GOT1: variants seen among roughly 807,000 people sequenced by gnomAD.
GOT1 encodes glutamic-oxaloacetic transaminase 1, also known as aspartate aminotransferase, cytoplasmic.
Under a neutral mutation model 48.2 loss-of-function variants are expected in GOT1, and 25 were observed. The ratio of observed to expected loss-of-function variants is 0.52; its 90% CI spans 0.38 to 0.72. The LOEUF (loss-of-function observed/expected upper bound fraction) is 0.72. Ranked by LOEUF, GOT1 falls within the 30% of genes least tolerant of loss-of-function variation. GOT1 has a pLI of 0.00. For missense variants in GOT1, 380 were observed against 520.1 expected (o/e 0.73, Z 2.62); for synonymous variants, 188 against 193.8 (o/e 0.97, Z 0.25).
chr10:99,406,167 C>T lies in GOT1; in HGVS notation c.507G>A (p.Leu169=), dbSNP rs544088538. The T allele has an allele frequency of 4.6e-5, 74 of 1,612,804 alleles. 2 individuals are homozygous for T. The South Asian group carries it at 7.4e-4, about 16-fold the overall frequency. The change falls in exon 4 of 9, where the codon TTG becomes TTA. Residue 169 remains leucine (L), a synonymous_variant. Coordinates refer to ENST00000370508, the MANE Select transcript of GOT1 (RefSeq NM_002079.3). Reference sequence around the variant, plus strand: ...GATCATTCAGGAAGCCCTGGAGGTCCAATCCTCTCTTCTCTGCATCCCAGT... The same window carrying T: ...GATCATTCAGGAAGCCCTGGAGGTCTAATCCTCTCTTCTCTGCATCCCAGT... The part of the protein sequence containing the change: ...YRYWDAEKRG[L]DLQGFLNDLE...
intron 2 of GOT1, among the ~76,000 whole-genome samples, chr10:99,413,769 G>C (rs1020542550): frequency 1.3e-5 from 2 of 152,202 alleles, no homozygotes; most frequent in Non-Finnish European, 2.9e-5. Context: ...AGCCAGAAGA[G>C]AGTGGGGGCC....
intron 2 of GOT1, among the ~76,000 whole-genome samples, chr10:99,412,445 A>T (rs1201664883): frequency 1.3e-5 from 2 of 151,782 alleles, no homozygotes; most frequent in Non-Finnish European, 2.9e-5. Context: ...GACTAGAGGC[A>T]GGAAGGTAAA....
intron 1 of GOT1, 129 bp downstream of exon 1, chr10:99,430,319 C>T: frequency 6.2e-7 from 1 of 1,600,004 alleles, no homozygotes; most frequent in Non-Finnish European, 8.5e-7. Context: ...TGGATCCAGC[C>T]TCCTCTCCGG....
chr10:99,408,427 G>A (rs2032789050), intron 2 of GOT1, among the ~76,000 whole-genome samples: 2 of 152,130 alleles, frequency 1.3e-5, no homozygotes, highest in Non-Finnish European at 2.9e-5. Flanking sequence ...ACATGAAAAA[G>A]TCTATCTAGC....
At chr10:99,399,947 G>A (rs17111658) in intron 8 of GOT1, among the ~76,000 whole-genome samples, 15,739 of 152,180 alleles carry the variant, frequency 0.1, 1,010 homozygotes, top group Admixed American at 0.21. Flanking sequence ...GTCACCCAAG[G>A]GGATAGAGCC....
At position 99,397,061 on chromosome 10, in the gene GOT1, A is replaced by G. The variant is rs1378928497; in HGVS notation, c.*486T>C. ...TACCACAGTCACCCTAAAGAACCAAAGCTTAGGACTAGGGACACAACCATG... is the reference window on the plus strand; with the variant it reads ...TACCACAGTCACCCTAAAGAACCAAGGCTTAGGACTAGGGACACAACCATG... On this transcript the variant is annotated 3_prime_UTR_variant, in exon 9 of 9. Coordinates refer to ENST00000370508, the MANE Select transcript of GOT1 (RefSeq NM_002079.3). The surrounding 1 kb of genome is among the most constrained non-coding windows in gnomAD (Gnocchi z 5.4). The G allele has an allele frequency of 6.4e-6, 1 of 157,046 alleles. No individual in the cohort carries two copies. Among genetic ancestry groups the G allele is most frequent in the African/African-American group, 2.4e-5 (1 of 41,486 alleles). The allele number at this position is 157,046 out of a possible 1,614,324, so 9.7% of individuals were successfully genotyped here. A position where few individuals can be genotyped will look rare whatever the true frequency, so the allele number is the denominator to read the frequency against.
At chr10:99,399,609 A>G (rs1358949238) in intron 8 of GOT1, among the ~76,000 whole-genome samples, 1 of 150,746 alleles carries the variant, frequency 6.6e-6, no homozygotes, top group Non-Finnish European at 1.5e-5. Flanking sequence ...TGTCTCTACA[A>G]AAAAATCTTA....
chr10:99,400,146 G>A lies in GOT1; in HGVS notation c.1102+2434C>T, dbSNP rs551957197. On this transcript the variant is annotated intron_variant, in intron 8 of 8. Transcript: ENST00000370508. Reference sequence around the variant, plus strand: ...GTTATGGACTCTTTCCCTAGAGCAGGGCCAAAATACACATATACAATTTTT... The same window carrying A: ...GTTATGGACTCTTTCCCTAGAGCAGAGCCAAAATACACATATACAATTTTT... 9.2e-5 allele frequency among the ~76,000 whole-genome samples: 14 copies of A among 152,250 alleles called. 1 individual carries two copies. In the South Asian group the frequency reaches 2.9e-3, roughly 32 times the overall value.
chr10:99,412,982 G>C (rs967239615), intron 2 of GOT1, among the ~76,000 whole-genome samples: 1 of 152,126 alleles, frequency 6.6e-6, no homozygotes, highest in Admixed American at 6.5e-5. Flanking sequence ...AAACCACAAA[G>C]ATGGGGAAAA....
At chr10:99,412,695 C>A (rs913117663) in intron 2 of GOT1, among the ~76,000 whole-genome samples, 1 of 152,028 alleles carries the variant, frequency 6.6e-6, no homozygotes, top group African/African-American at 2.4e-5. Context: ...GAGGCACCCC[C>A]CAGTAGGGGC....
At chr10:99,408,651 A>G (rs1416736164) in intron 2 of GOT1, among the ~76,000 whole-genome samples, 1 of 152,126 alleles carries the variant, frequency 6.6e-6, no homozygotes, top group African/African-American at 2.4e-5. Flanking sequence ...CCTGGGAGGC[A>G]GAGGTTGCAG....
intron 1 of GOT1, among the ~76,000 whole-genome samples, chr10:99,422,429 A>C (rs796365637): frequency 5.9e-5 from 9 of 152,326 alleles, no homozygotes; most frequent in African/African-American, 2.2e-4. Flanking sequence ...AGGAGTATGA[A>C]AATTTTGGTG....
At chr10:99,405,417 C>T (rs796286746) in intron 5 of GOT1, among the ~76,000 whole-genome samples, 9 of 151,892 alleles carry the variant, frequency 5.9e-5, no homozygotes, top group African/African-American at 2.2e-4. Flanking sequence ...GCAAAATATT[C>T]AATGACATGT....
At chr10:99,413,757 C>T (rs1298077695) in intron 2 of GOT1, among the ~76,000 whole-genome samples, 4 of 152,332 alleles carry the variant, frequency 2.6e-5, no homozygotes, top group Admixed American at 2.6e-4. Context: ...AGAAACTCTA[C>T]AAGCCAGAAG....
intron 8 of GOT1, among the ~76,000 whole-genome samples, chr10:99,400,317 T>A (rs2032655381): frequency 6.6e-6 from 1 of 152,182 alleles, no homozygotes; most frequent in Admixed American, 6.5e-5. Flanking sequence ...TATATAGGGG[T>A]TCACTGTACA....
intron 8 of GOT1, among the ~76,000 whole-genome samples, chr10:99,400,738 T>G (rs2032663608): frequency 6.6e-6 from 1 of 152,178 alleles, no homozygotes; most frequent in African/African-American, 2.4e-5. Flanking sequence ...GTCAGGAGTT[T>G]GAGACCAGCC....
At chr10:99,422,084 A>T (rs952617116) in intron 1 of GOT1, among the ~76,000 whole-genome samples, 1 of 152,176 alleles carries the variant, frequency 6.6e-6, no homozygotes, top group Admixed American at 6.5e-5. Flanking sequence ...CTCATGTTGA[A>T]TTGTAATCTC....
chr10:99,405,520 G>GACACACACACAC (rs138777645), intron 5 of GOT1, among the ~76,000 whole-genome samples: 70 of 143,586 alleles, frequency 4.9e-4, no homozygotes, highest in African/African-American at 1.3e-3. Flanking sequence ...CATAAAACTA[G>GACACACACACAC]ACACACACAC....
intron 2 of GOT1, among the ~76,000 whole-genome samples, chr10:99,416,038 G>C (rs1196331943): frequency 1.3e-5 from 2 of 152,292 alleles, no homozygotes; most frequent in Non-Finnish European, 1.5e-5. Flanking sequence ...GCACAAGACA[G>C]GGATGTCCTC....
Sources: allele counts gnomAD v4.1 joint callset (sites outside exome capture counted in the v4.1 genomes callset), GRCh38; gene constraint gnomAD v4.1.1; non-coding constraint Gnocchi (gnomAD v3.1); transcripts MANE v1.5; gene names NCBI Gene and HGNC (gene_info 2026-07-23, HGNC 2026-07-21).